CSGALNACT1: variants seen among roughly 807,000 people sequenced by gnomAD.
CSGALNACT1 encodes chondroitin sulfate N-acetylgalactosaminyltransferase 1.
CSGALNACT1 carries 52 observed loss-of-function variants against 51.0 expected under a neutral mutation model. That is an observed-to-expected ratio of 1.02 (90% CI 0.82 to 1.29). The LOEUF is 1.29. Ranked by LOEUF, CSGALNACT1 falls within the 50% of genes most tolerant of loss-of-function variation. CSGALNACT1 has a pLI of 0.00. For missense variants in CSGALNACT1, 935 were observed against 679.2 expected, an observed-to-expected ratio of 1.38 and a Z score of -4.19; for synonymous variants, 341 against 254.4, an observed-to-expected ratio of 1.34 and a Z score of -3.24.
At chr8:19,480,049 T>C (rs1563638071) in intron 4 of CSGALNACT1, among the ~76,000 whole-genome samples, 1 of 152,228 alleles carries the variant, frequency 6.6e-6, no homozygotes, top group Non-Finnish European at 1.5e-5. Context: ...ACTACAACAA[T>C]GCATATTTCA....
At chr8:19,552,365 A>G (rs2088355243) in intron 3 of CSGALNACT1, among the ~76,000 whole-genome samples, 1 of 152,186 alleles carries the variant, frequency 6.6e-6, no homozygotes, top group Admixed American at 6.5e-5. Flanking sequence ...TTCTGGAATA[A>G]TATTAAAAGT....
At chr8:19,467,747 G>C (rs1159392232) in intron 4 of CSGALNACT1, among the ~76,000 whole-genome samples, 1 of 152,150 alleles carries the variant, frequency 6.6e-6, no homozygotes, top group Non-Finnish European at 1.5e-5. Flanking sequence ...AATTTTGGGA[G>C]GCCAAGGCAG....
intron 3 of CSGALNACT1, among the ~76,000 whole-genome samples, chr8:19,563,810 C>G (rs761605244): frequency 6.6e-6 from 1 of 152,174 alleles, no homozygotes; most frequent in Non-Finnish European, 1.5e-5. Flanking sequence ...GCGACTCATA[C>G]AGTCTAGCCT....
At chr8:19,663,896 G>A (rs1230354288) in intron 1 of CSGALNACT1, among the ~76,000 whole-genome samples, 1 of 152,204 alleles carries the variant, frequency 6.6e-6, no homozygotes, top group Non-Finnish European at 1.5e-5. Flanking sequence ...TCAGATGTGG[G>A]TTCAGATGCC....
In CSGALNACT1 at chr8:19,440,520, C is replaced by T. The variant is rs1175415296; in HGVS notation, c.852-589G>A. 3.4e-3 allele frequency among the ~76,000 whole-genome samples: 519 copies of T among 152,038 alleles called. 1 individual carries two copies. Among genetic ancestry groups the T allele is most frequent in the African/African-American group, 0.012 (498 of 41,482 alleles). On this transcript the variant is annotated intron_variant, in intron 5 of 9. Transcript: ENST00000454498. ...AGGCCTTTGACAAAATTCAACAACCCTTCATGCTAAAAACTCTCAATAAAT... is the reference window on the plus strand; with the variant it reads ...AGGCCTTTGACAAAATTCAACAACCTTTCATGCTAAAAACTCTCAATAAAT...
At chr8:19,676,946 AAG>A (rs2060236990) in intron 1 of CSGALNACT1, among the ~76,000 whole-genome samples, 2 of 152,210 alleles carry the variant, frequency 1.3e-5, no homozygotes, top group African/African-American at 4.8e-5. Context: ...TTGACAATGA[AAG>A]AGTTATTAGT....
At chr8:19,658,033 T>C (rs2058434624) in intron 1 of CSGALNACT1, among the ~76,000 whole-genome samples, 1 of 127,406 alleles carries the variant, frequency 7.8e-6, no homozygotes, top group African/African-American at 3.1e-5. Context: ...TACTCTAGAC[T>C]GAATATGTGT....
intron 6 of CSGALNACT1, among the ~76,000 whole-genome samples, chr8:19,433,335 G>A (rs192876426): frequency 1.3e-5 from 2 of 152,270 alleles, no homozygotes; most frequent in Admixed American, 6.5e-5. Flanking sequence ...GCCACAAGTG[G>A]GAGCTTAGGA....
At chr8:19,497,700 G>A (rs896518064) in intron 4 of CSGALNACT1, among the ~76,000 whole-genome samples, 4 of 152,140 alleles carry the variant, frequency 2.6e-5, no homozygotes, top group Admixed American at 1.3e-4. Flanking sequence ...TTCTGTGAAA[G>A]GAAAATAAAT....
intron 3 of CSGALNACT1, among the ~76,000 whole-genome samples, chr8:19,564,773 C>T (rs2041558284): frequency 6.6e-6 from 1 of 152,146 alleles, no homozygotes; most frequent in African/African-American, 2.4e-5. Flanking sequence ...AGCACTTTTT[C>T]TGTAGTATTT....
At chr8:19,523,500 G>C (rs2081113595) in intron 3 of CSGALNACT1, among the ~76,000 whole-genome samples, 1 of 151,922 alleles carries the variant, frequency 6.6e-6, no homozygotes, top group African/African-American at 2.4e-5. Context: ...GGACTCCTGG[G>C]CTCCAGCGAT....
chr8:19,408,823 C>T (rs1449068348), intron 8 of CSGALNACT1, 129 bp from the exon 8 acceptor site: 2 of 781,706 alleles, frequency 2.6e-6, no homozygotes, highest in Non-Finnish European at 2.3e-6. Context: ...TCCACTGGTG[C>T]AGGAAACGCA....
chr8:19,674,082 C>G (rs1411596679), intron 1 of CSGALNACT1, among the ~76,000 whole-genome samples: 1 of 152,160 alleles, frequency 6.6e-6, no homozygotes, highest in African/African-American at 2.4e-5. Context: ...AAGGTCAGGA[C>G]TTCAAGACCA....
At chr8:19,543,647 C>A (rs866175804) in intron 3 of CSGALNACT1, among the ~76,000 whole-genome samples, 53 of 152,188 alleles carry the variant, frequency 3.5e-4, no homozygotes, top group African/African-American at 1.2e-3. Context: ...TGTTTCCCAG[C>A]TGGGGAAGGT....
intron 6 of CSGALNACT1, among the ~76,000 whole-genome samples, chr8:19,431,808 T>G (rs943947819): frequency 4.4e-5 from 5 of 112,378 alleles, no homozygotes; most frequent in Non-Finnish European, 8.0e-5. Context: ...GGAAAGTTCT[T>G]TTTTCTTTTT....
At chr8:19,477,883 C>T (rs867121134) in intron 4 of CSGALNACT1, among the ~76,000 whole-genome samples, 3 of 152,202 alleles carry the variant, frequency 2.0e-5, no homozygotes, top group African/African-American at 4.8e-5. Flanking sequence ...AGAAAGACTT[C>T]GGTTCCTCCC....
At chr8:19,736,615 T>C (rs778324808) in intron 1 of CSGALNACT1, among the ~76,000 whole-genome samples, 1 of 152,140 alleles carries the variant, frequency 6.6e-6, no homozygotes, top group Non-Finnish European at 1.5e-5. Context: ...TGTCTGTACG[T>C]TGACATTAGA....
intron 1 of CSGALNACT1, among the ~76,000 whole-genome samples, chr8:19,626,658 C>T (rs1459193239): frequency 6.6e-6 from 1 of 152,150 alleles, no homozygotes; most frequent in Non-Finnish European, 1.5e-5. Context: ...AAAGTGAGAA[C>T]ATGTCTGCAA....
intron 4 of CSGALNACT1, among the ~76,000 whole-genome samples, chr8:19,497,906 G>A (rs2153978807): frequency 6.6e-6 from 1 of 152,160 alleles, no homozygotes; most frequent in South Asian, 2.1e-4. Flanking sequence ...CTAAGACCGG[G>A]AAGCCCCCTC....
Sources: allele counts gnomAD v4.1 joint callset (sites outside exome capture counted in the v4.1 genomes callset), GRCh38; gene constraint gnomAD v4.1.1; transcripts MANE v1.5; gene names NCBI Gene and HGNC (gene_info 2026-07-23, HGNC 2026-07-21).